Variants in ADAMTSL3 observed in about 807,000 individuals in gnomAD.
ADAMTSL3 encodes the protein ADAMTS like 3.
In ADAMTSL3, 128 loss-of-function variants were observed where a neutral mutation model predicts 201.7. The ratio of observed to expected loss-of-function variants is 0.63; its 90% CI spans 0.55 to 0.73. ADAMTSL3 has a LOEUF of 0.73. Ranked by LOEUF, ADAMTSL3 falls within the 30% of genes least tolerant of loss-of-function variation. ADAMTSL3 has a pLI of 0.00. For synonymous variants in ADAMTSL3, 738 were observed against 748.4 expected, an observed-to-expected ratio of 0.99 and a Z score of 0.23; for missense variants, 1,990 against 2,119.6, an observed-to-expected ratio of 0.94 and a Z score of 1.20.
chr15:83,995,114 C>G (rs1168347124), intron 23 of ADAMTSL3, among the ~76,000 whole-genome samples: 1 of 152,084 alleles, frequency 6.6e-6, no homozygotes, highest in Non-Finnish European at 1.5e-5. Context: ...CCTGCAGTCA[C>G]TGGCTGTGGG....
At chr15:83,891,235 T>C (rs1453386077) in intron 11 of ADAMTSL3, 94 bp from the exon 12 acceptor site, 3 of 1,106,076 alleles carry the variant, frequency 2.7e-6, no homozygotes, top group Non-Finnish European at 4.0e-6. Context: ...TTGGAAGAGC[T>C]CTGTCTCTTG....
At chr15:83,875,193 A>T (rs1596342133) in intron 9 of ADAMTSL3, among the ~76,000 whole-genome samples, 4 of 152,308 alleles carry the variant, frequency 2.6e-5, no homozygotes, top group African/African-American at 9.6e-5. Flanking sequence ...AGTGAAGGAG[A>T]GAGGGAAGGA....
rs149039738 is a variant in ADAMTSL3 at position 83,981,968 on chromosome 15, C to T, written c.2645-305C>T. Among the ~76,000 whole-genome samples, 938 of 152,310 alleles carry T rather than the reference C, an allele frequency of 6.2e-3. 5 individuals are homozygous for T. Among genetic ancestry groups the T allele is most frequent in the Non-Finnish European group, 8.8e-3 (602 of 68,024 alleles). ...CCTCAAATCTAGAAATAACTATTCC[C>T]TACATTTCACCAAATCATTTAACCT... On this transcript the variant is annotated intron_variant, in intron 20 of 29. Transcript: ENST00000286744.
At chr15:83,907,566 A>AT (rs910216984) in intron 15 of ADAMTSL3, among the ~76,000 whole-genome samples, 2 of 151,284 alleles carry the variant, frequency 1.3e-5, no homozygotes, top group African/African-American at 2.4e-5. Context: ...TACCTGGCTA[A>AT]TTTTTTTTTG....
At chr15:83,891,296 G>T (rs752612140) in intron 11 of ADAMTSL3, 33 bp from the exon 12 acceptor site, 2 of 1,509,132 alleles carry the variant, frequency 1.3e-6, no homozygotes, top group Non-Finnish European at 1.8e-6. Context: ...ATTTATTATA[G>T]AAATGATATT....
intron 15 of ADAMTSL3, among the ~76,000 whole-genome samples, chr15:83,904,829 C>T (rs1307458438): frequency 1.3e-5 from 2 of 152,226 alleles, no homozygotes; most frequent in African/African-American, 4.8e-5. Flanking sequence ...TTAGTTAGCA[C>T]ACCTTGTATG....
intron 7 of ADAMTSL3, among the ~76,000 whole-genome samples, chr15:83,840,578 G>T (rs2064353553): frequency 1.3e-5 from 2 of 152,148 alleles, no homozygotes; most frequent in Admixed American, 1.3e-4. Flanking sequence ...AGATAGAGTT[G>T]GCCAGTAGGA....
chr15:83,962,274 G>A (rs899300701), intron 19 of ADAMTSL3: 5 of 152,090 alleles, frequency 3.3e-5, no homozygotes, highest in Non-Finnish European at 7.3e-5. Flanking sequence ...AACTTACCCA[G>A]TCTTGGGTAT....
chr15:83,801,639 T>TATATATATATAAATATAAATATAA (rs1237756327), intron 4 of ADAMTSL3, among the ~76,000 whole-genome samples: 2 of 29,986 alleles, frequency 6.7e-5, no homozygotes, highest in East Asian at 2.9e-3. Context: ...TATATATAAA[T>TATATATATATAAATATAAATATAA]ATATAAATAT....
intron 7 of ADAMTSL3, among the ~76,000 whole-genome samples, chr15:83,844,284 T>C (rs1291366426): frequency 2.0e-5 from 3 of 152,240 alleles, no homozygotes; most frequent in African/African-American, 7.2e-5. Flanking sequence ...TTGACACAAA[T>C]AGAATCCTGG....
chr15:83,805,938 G>A (rs1325205498), intron 5 of ADAMTSL3, among the ~76,000 whole-genome samples: 6 of 152,142 alleles, frequency 3.9e-5, no homozygotes, highest in South Asian at 2.1e-4. Context: ...AGGAGAACGC[G>A]GCAGTCCTCA....
chr15:83,907,085 C>G (rs1262696783), intron 15 of ADAMTSL3, among the ~76,000 whole-genome samples: 1 of 120,990 alleles, frequency 8.3e-6, no homozygotes, highest in African/African-American at 3.4e-5. Context: ...CAGAGCAAGA[C>G]CCTGTCTCTG....
At chr15:83,904,342 C>T (rs968852840) in intron 15 of ADAMTSL3, among the ~76,000 whole-genome samples, 4 of 152,064 alleles carry the variant, frequency 2.6e-5, no homozygotes, top group African/African-American at 4.8e-5. Context: ...CAAACAAAAC[C>T]GCAACATATC....
At chr15:83,934,982 G>C (rs2066435728) in intron 17 of ADAMTSL3, among the ~76,000 whole-genome samples, 1 of 152,106 alleles carries the variant, frequency 6.6e-6, no homozygotes, top group African/African-American at 2.4e-5. Context: ...ACTTACAGGT[G>C]GGAGCTAAAT....
At chr15:83,871,996 A>T (rs2065088980) in intron 9 of ADAMTSL3, among the ~76,000 whole-genome samples, 2 of 152,198 alleles carry the variant, frequency 1.3e-5, no homozygotes, top group Admixed American at 6.5e-5. Context: ...CAGCAGAGGA[A>T]CATGCACGGA....
chr15:83,817,533 A>C (rs1188333009), intron 5 of ADAMTSL3, among the ~76,000 whole-genome samples: 1 of 152,188 alleles, frequency 6.6e-6, no homozygotes, highest in Non-Finnish European at 1.5e-5. Flanking sequence ...AAAATGTAAA[A>C]CTTTTTGACT....
intron 2 of ADAMTSL3, among the ~76,000 whole-genome samples, chr15:83,683,393 C>G (rs565326603): frequency 6.6e-6 from 1 of 152,296 alleles, no homozygotes; most frequent in Non-Finnish European, 1.5e-5. Flanking sequence ...AAGACATCCA[C>G]AAAGTCTTTC....
chr15:83,721,112 G>T (rs1334375187), intron 3 of ADAMTSL3, among the ~76,000 whole-genome samples: 1 of 152,084 alleles, frequency 6.6e-6, no homozygotes, highest in Non-Finnish European at 1.5e-5. Context: ...AATTTTTTAT[G>T]TTTTTATTTT....
At chr15:83,993,954 T>C (rs1435269818) in intron 23 of ADAMTSL3, among the ~76,000 whole-genome samples, 1 of 152,260 alleles carries the variant, frequency 6.6e-6, no homozygotes, top group Non-Finnish European at 1.5e-5. Flanking sequence ...TACATGTTGT[T>C]TATGTTATTC....
Sources: gnomAD v4.1 joint callset for allele counts (sites outside exome capture counted in the v4.1 genomes callset) on GRCh38, gnomAD v4.1.1 for gene constraint, MANE v1.5 for transcripts, NCBI Gene and HGNC (gene_info 2026-07-23, HGNC 2026-07-21) for gene names.